The following NIM1K variants were observed in gnomAD, a reference collection of about 807,000 sequenced individuals.
NIM1K encodes serine/threonine-protein kinase NIM1.
A neutral mutation model predicts 37.1 loss-of-function variants in NIM1K; 35 were observed. The observed-to-expected ratio is 0.94, with a 90% CI of 0.72 to 1.25. The LOEUF (loss-of-function observed/expected upper bound fraction) is 1.25. Ranked by LOEUF, NIM1K falls within the 50% of genes most tolerant of loss-of-function variation. The pLI is 0.00. For missense variants in NIM1K, 564 were observed against 548.0 expected, an observed-to-expected ratio of 1.03 and a Z score of -0.29; for synonymous variants, 234 against 206.6, an observed-to-expected ratio of 1.13 and a Z score of -1.14.
intron 1 of NIM1K, chr5:43,233,311 T>TC (rs1752568967): frequency 3.8e-6 from 1 of 261,358 alleles, no homozygotes; most frequent in Non-Finnish European, 6.2e-6. Context: ...AGAGTGACAC[T>TC]TAAAAAAAAA....
At chr5:43,223,777 A>C (rs1262425331) in intron 1 of NIM1K, among the ~76,000 whole-genome samples, 2 of 152,216 alleles carry the variant, frequency 1.3e-5, no homozygotes, top group Non-Finnish European at 2.9e-5. Context: ...GCAGGAAAGC[A>C]GCTGCTTTTG....
Position 43,232,370 on chromosome 5 carries a change from C to T in NIM1K, c.-694-12712C>T, listed in dbSNP as rs570989766. ...AGATGACAGGGCATATGTGTCCAGA[C>T]GGAAGTGGATGGGGGGATAGGCCAC... is the stretch of plus-strand genomic sequence containing the variant. On this transcript the variant is annotated intron_variant, in intron 1 of 3. Transcript: ENST00000326035. The T allele has an allele frequency of 1.1e-4, 150 of 1,370,022 alleles. 1 individual carries two copies. In the East Asian group the frequency reaches 2.7e-3, roughly 25 times the overall value. The allele number at this position is 1,370,022 out of a possible 1,614,324, so 84.9% of individuals were successfully genotyped here.
At chr5:43,256,185 C>T (rs1027997619) in intron 2 of NIM1K, among the ~76,000 whole-genome samples, 1 of 152,084 alleles carries the variant, frequency 6.6e-6, no homozygotes, top group South Asian at 2.1e-4. Flanking sequence ...AACAGTATCA[C>T]TCTGGCAGCT....
chr5:43,275,924 G>A (rs919907891), intron 2 of NIM1K, among the ~76,000 whole-genome samples: 19 of 145,356 alleles, frequency 1.3e-4, no homozygotes, highest in Admixed American at 4.2e-4. Context: ...TTTCTGAGAC[G>A]GAGTCTTGCT....
chr5:43,280,573 G>T lies in NIM1K; in HGVS notation c.1155G>T (p.Gly385=), dbSNP rs1261911089. 6.2e-7 allele frequency: 1 copy of T among 1,613,922 alleles called. No individual in the cohort carries two copies. The highest frequency in any genetic ancestry group is 8.5e-7 in the Non-Finnish European group (1 of 1,180,018). Residue 385 remains glycine (G), a synonymous_variant, in exon 4 of 4, where the codon GGG becomes GGT. Coordinates refer to ENST00000326035, the MANE Select transcript of NIM1K (RefSeq NM_153361.4). ...GAGATGCTCGCAGCTCAATCACAGGGGTCTATAGAATTATTTTACATAGAG... is the reference window on the plus strand; with the variant it reads ...GAGATGCTCGCAGCTCAATCACAGGTGTCTATAGAATTATTTTACATAGAG... ...QGRDARSSIT[G]VYRIILHRVQ... is the part of the protein sequence containing the mutation.
In NIM1K at chr5:43,277,774, CT is replaced by C. The variant is rs201813937; in HGVS notation, c.561+450del. Reference sequence around the variant, plus strand: ...TCTCTCTCTCTCTCCCCCACCCCCCCTCTCCGTGTGTGTGTGTGTGTGTGTG... The same window carrying C: ...TCTCTCTCTCTCTCCCCCACCCCCCCCTCCGTGTGTGTGTGTGTGTGTGTG... On this transcript the variant is annotated intron_variant, in intron 3 of 3. Transcript: ENST00000326035. 4.4e-3 allele frequency among the ~76,000 whole-genome samples: 643 copies of C among 146,398 alleles called. 2 individuals are homozygous for C. Among genetic ancestry groups the C allele is most frequent in the South Asian group, 0.014 (64 of 4,608 alleles).
rs35756093 is a variant in NIM1K at position 43,278,640 on chromosome 5, C to G, written c.561+1315C>G. Among the ~76,000 whole-genome samples the G allele has an allele frequency of 7.2e-3, 1,095 of 152,310 alleles. 7 individuals carry two copies. The highest frequency in any genetic ancestry group is 0.034 in the Middle Eastern group (10 of 294). On this transcript the variant is annotated intron_variant, in intron 3 of 3. Transcript: ENST00000326035. Reference sequence around the variant, plus strand: ...GGCTATTTCCAATTCACTTCTCAGCCTGCATGGTTGTAGGAGCAAGAACTG... The same window carrying G: ...GGCTATTTCCAATTCACTTCTCAGCGTGCATGGTTGTAGGAGCAAGAACTG...
At chr5:43,206,680 C>G in intron 1 of NIM1K, 1 of 691,776 alleles carries the variant, frequency 1.4e-6, no homozygotes, top group East Asian at 2.8e-5. Context: ...AAGGCCACTC[C>G]CCCAGGTATG....
intron 1 of NIM1K, chr5:43,232,042 C>A (rs1752547072): frequency 9.8e-7 from 1 of 1,015,296 alleles, no homozygotes. Flanking sequence ...GCTCAGCATG[C>A]ACACAGCTCT....
chr5:43,278,377 ACTT>A lies in NIM1K; in HGVS notation c.561+1056_561+1058del, dbSNP rs540624930. The stretch of plus-strand genomic sequence containing the variant: ...TCATTCTTATTTTAGTTCTTTGGTT[ACTT>A]CTTTAGATAAATCTGGACTCCTAAT... On this transcript the variant is annotated intron_variant, in intron 3 of 3. Coordinates refer to ENST00000326035, the MANE Select transcript of NIM1K (RefSeq NM_153361.4). Among the ~76,000 whole-genome samples, 52 of 152,224 alleles carry A rather than the reference ACTT, an allele frequency of 3.4e-4. 1 individual carries two copies. The South Asian group carries it at 0.011, about 31-fold the overall frequency.
chr5:43,272,761 A>AT (rs1753276451), intron 2 of NIM1K, among the ~76,000 whole-genome samples: 2 of 152,110 alleles, frequency 1.3e-5, no homozygotes, highest in South Asian at 4.1e-4. Flanking sequence ...TAATTGGAAG[A>AT]TTTTGCATAA....
intron 2 of NIM1K, among the ~76,000 whole-genome samples, chr5:43,264,044 T>A (rs1436687686): frequency 6.6e-6 from 1 of 152,224 alleles, no homozygotes; most frequent in Non-Finnish European, 1.5e-5. Context: ...CTTCCAACTA[T>A]GTAGTCAATT....
intron 2 of NIM1K, among the ~76,000 whole-genome samples, chr5:43,249,850 G>GTTTTTTTTT (rs70994677): frequency 8.6e-6 from 1 of 116,164 alleles, no homozygotes; most frequent in Non-Finnish European, 1.7e-5. Context: ...GTATGGATTA[G>GTTTTTTTTT]TTTTTTTTTT....
chr5:43,234,935 T>C (rs1752599675), intron 1 of NIM1K, among the ~76,000 whole-genome samples: 1 of 152,188 alleles, frequency 6.6e-6, no homozygotes, highest in South Asian at 2.1e-4. Flanking sequence ...ATGCCCGGCC[T>C]ATTTTAAAGC....
intron 2 of NIM1K, among the ~76,000 whole-genome samples, chr5:43,263,619 C>T (rs1390945776): frequency 6.6e-6 from 1 of 151,196 alleles, no homozygotes; most frequent in Non-Finnish European, 1.5e-5. Flanking sequence ...TCTCCATCTC[C>T]TTCAGTTCTG....
intron 1 of NIM1K, among the ~76,000 whole-genome samples, chr5:43,241,496 C>T (rs1365328842): frequency 3.3e-5 from 5 of 151,586 alleles, no homozygotes; most frequent in Admixed American, 1.3e-4. Context: ...TGCACCACCA[C>T]GCCCAGCTAA....
At chr5:43,277,430 A>T in intron 3 of NIM1K, 105 bp downstream of exon 3, 1 of 1,209,704 alleles carries the variant, frequency 8.3e-7, no homozygotes. Flanking sequence ...CTTTTGTCCT[A>T]CAAAGCAGAC....
intron 3 of NIM1K, among the ~76,000 whole-genome samples, chr5:43,278,502 T>C (rs1005801836): frequency 1.3e-5 from 2 of 152,250 alleles, no homozygotes; most frequent in African/African-American, 4.8e-5. Context: ...CTTGCAGGCC[T>C]GAGTATCACT....
At chr5:43,252,595 A>G (rs1752881418) in intron 2 of NIM1K, among the ~76,000 whole-genome samples, 2 of 152,036 alleles carry the variant, frequency 1.3e-5, no homozygotes, top group African/African-American at 2.4e-5. Context: ...AAAATAAAGA[A>G]ATACAAAGCA....
Sources: allele counts gnomAD v4.1 joint callset (sites outside exome capture counted in the v4.1 genomes callset), GRCh38; gene constraint gnomAD v4.1.1; transcripts MANE v1.5; gene names NCBI Gene and HGNC (gene_info 2026-07-23, HGNC 2026-07-21).